Variants in NFATC1 observed in about 807,000 individuals in gnomAD.
The protein encoded by NFATC1 is nuclear factor of activated T-cells, cytoplasmic 1.
A neutral mutation model predicts 76.0 loss-of-function variants in NFATC1; 22 were observed. The ratio of observed to expected loss-of-function variants is 0.29; its 90% CI spans 0.21 to 0.41. NFATC1 has a LOEUF of 0.41. Among genes scored for constraint, NFATC1 ranks in the 10% least tolerant of loss-of-function variants. The pLI, the probability that NFATC1 is intolerant of heterozygous loss-of-function variation, is 1.00. For synonymous variants in NFATC1, 704 were observed against 613.1 expected, an observed-to-expected ratio of 1.15 and a Z score of -2.19; for missense variants, 1,357 against 1,337.7, an observed-to-expected ratio of 1.01 and a Z score of -0.23.
intron 1 of NFATC1, chr18:79,402,502 C>A: frequency 1.5e-6 from 1 of 669,842 alleles, no homozygotes; most frequent in Non-Finnish European, 1.8e-6. Flanking sequence ...CGGAGCTGCG[C>A]CCTTCCCCGG....
intron 3 of NFATC1, among the ~76,000 whole-genome samples, chr18:79,439,468 G>A (rs1197614693): frequency 6.6e-6 from 1 of 152,244 alleles, no homozygotes; most frequent in African/African-American, 2.4e-5. Context: ...CCGGAGGCCT[G>A]CAGGAGGCAC....
chr18:79,405,681 C>T (rs2085411529), intron 1 of NFATC1, among the ~76,000 whole-genome samples: 1 of 152,224 alleles, frequency 6.6e-6, no homozygotes, highest in Non-Finnish European at 1.5e-5. Flanking sequence ...GGCGAGGGAT[C>T]CTAATGAAAT....
chr18:79,523,970 GA>G (rs1370857010), intron 9 of NFATC1: 1 of 152,132 alleles, frequency 6.6e-6, no homozygotes, highest in Non-Finnish European at 1.5e-5. Context: ...GCTAGGAAGG[GA>G]AAAAACCCTT....
At chr18:79,467,646 G>T in intron 8 of NFATC1, 64 bp downstream of exon 8, 1 of 1,597,572 alleles carries the variant, frequency 6.3e-7, no homozygotes. Context: ...TTCTAAAGAC[G>T]CAGAAACGAC....
chr18:79,519,541 A>C (rs1226842783), intron 9 of NFATC1, among the ~76,000 whole-genome samples: 1 of 152,078 alleles, frequency 6.6e-6, no homozygotes, highest in East Asian at 1.9e-4. Flanking sequence ...GTCTCACTAC[A>C]TTGCCCAGGC....
intron 8 of NFATC1, chr18:79,470,177 A>G: frequency 5.0e-6 from 1 of 200,338 alleles, no homozygotes; most frequent in Non-Finnish European, 8.9e-6. Context: ...GTGGTCCGAG[A>G]GATAGTTGCC....
intron 9 of NFATC1, among the ~76,000 whole-genome samples, chr18:79,511,092 G>A (rs996915317): frequency 6.6e-5 from 10 of 152,238 alleles, no homozygotes; most frequent in African/African-American, 2.4e-4. Context: ...GAGCTAACGA[G>A]AGTCCACCAA....
chr18:79,448,727 C>A, intron 3 of NFATC1, 55 bp from the exon 4 acceptor site: 1 of 1,567,840 alleles, frequency 6.4e-7, no homozygotes, highest in Non-Finnish European at 8.7e-7. Context: ...GTTCCGGTGA[C>A]TCCCGGCGGT....
chr18:79,445,977 G>A (rs141085062), intron 3 of NFATC1, among the ~76,000 whole-genome samples: 5 of 152,308 alleles, frequency 3.3e-5, no homozygotes, highest in East Asian at 1.9e-4. Flanking sequence ...ACATTGTAAC[G>A]TGTAGGAGAC....
intron 2 of NFATC1, chr18:79,421,047 T>G (rs576253970): frequency 6.6e-6 from 1 of 152,462 alleles, no homozygotes; most frequent in Admixed American, 6.5e-5. Flanking sequence ...TGCAGCTTGA[T>G]TCTGCTCCTC....
chr18:79,411,547 G>T, intron 2 of NFATC1, 46 bp downstream of exon 2: 1 of 1,321,562 alleles, frequency 7.6e-7, no homozygotes, highest in East Asian at 3.0e-5. Flanking sequence ...GGGGAGGCGC[G>T]GGGCGGGGCG....
At position 79,442,421 on chromosome 18, in the gene NFATC1, C is replaced by T. The variant is rs113318243; in HGVS notation, c.1387-6361C>T. Among the ~76,000 whole-genome samples, 937 of 152,362 alleles carry T rather than the reference C, an allele frequency of 6.1e-3. 5 individuals carry two copies. The highest frequency in any genetic ancestry group is 0.01 in the Middle Eastern group (3 of 294). ...TCTCCAAGAAGAGGGGCTCCTGCCG[C>T]GTGCCTGTTCTGGGGTTGCCACTCA... On this transcript the variant is annotated intron_variant, in intron 3 of 9. Coordinates refer to ENST00000427363, the MANE Select transcript of NFATC1 (RefSeq NM_001278669.2).
intron 3 of NFATC1, among the ~76,000 whole-genome samples, chr18:79,446,006 C>T (rs528585946): frequency 2.6e-5 from 4 of 152,272 alleles, no homozygotes; most frequent in South Asian, 2.1e-4. Flanking sequence ...TCTTATACCT[C>T]GGCAGTGGAA....
intron 6 of NFATC1, among the ~76,000 whole-genome samples, chr18:79,454,877 C>A (rs1007035395): frequency 6.6e-6 from 1 of 152,112 alleles, no homozygotes; most frequent in Non-Finnish European, 1.5e-5. Context: ...CACCCACACC[C>A]CTCCCCACCT....
chr18:79,437,067 C>T (rs969773957), intron 3 of NFATC1, among the ~76,000 whole-genome samples: 1 of 152,102 alleles, frequency 6.6e-6, no homozygotes, highest in Non-Finnish European at 1.5e-5. Context: ...GCCCTGGAGC[C>T]GTCTGCGAGG....
rs144718114 is a variant in NFATC1 at position 79,465,953 on chromosome 18, G to T, written c.1960-1497G>T. On this transcript the variant is annotated intron_variant, in intron 7 of 9. Coordinates refer to ENST00000427363, the MANE Select transcript of NFATC1 (RefSeq NM_001278669.2). This position sits in a 1 kb window ranked among gnomAD's most constrained non-coding sequence, Gnocchi z 4.2. The stretch of plus-strand genomic sequence containing the variant: ...TCAGCTCCCCTGGGGCAGCTCTGAT[G>T]CGGGGCAAAGGCAGGAAGACGCCCA... 5.2e-3 allele frequency among the ~76,000 whole-genome samples: 797 copies of T among 152,372 alleles called. 11 individuals are homozygous for T. The highest frequency in any genetic ancestry group is 0.018 in the African/African-American group (741 of 41,598).
At position 79,397,170 on chromosome 18, in the gene NFATC1, TG is replaced by T. The variant is rs1283365736; in HGVS notation, c.127+822del. ...GGCACACACCCCTGGCGATGCCGGG[TG>T]GGCTCCTGCAAGTGGCTTTGAAAAT... is the stretch of plus-strand genomic sequence containing the variant. On this transcript the variant is annotated intron_variant, in intron 1 of 9. Transcript: ENST00000427363. Among the ~76,000 whole-genome samples the T allele has an allele frequency of 2.3e-4, 35 of 152,276 alleles. No homozygotes were observed. The East Asian group carries it at 6.4e-3, about 28-fold the overall frequency.
chr18:79,411,608 C>G (rs1456927433), intron 2 of NFATC1, 107 bp downstream of exon 2: 5 of 936,642 alleles, frequency 5.3e-6, no homozygotes, highest in Non-Finnish European at 6.7e-6. Flanking sequence ...TGTCTGGGGA[C>G]GAGAGTCAGG....
chr18:79,425,338 C>G (rs2086289084), intron 2 of NFATC1, among the ~76,000 whole-genome samples: 1 of 151,248 alleles, frequency 6.6e-6, no homozygotes, highest in South Asian at 2.1e-4. Context: ...GTCACACAAC[C>G]AAATGGCCAT....
Sources: gnomAD v4.1 joint callset for allele counts (sites outside exome capture counted in the v4.1 genomes callset) on GRCh38, gnomAD v4.1.1 for gene constraint, Gnocchi (gnomAD v3.1) non-coding constraint, MANE v1.5 for transcripts, NCBI Gene and HGNC (gene_info 2026-07-23, HGNC 2026-07-21) for gene names.